Variants in CDC14B observed in about 807,000 individuals in gnomAD.
CDC14B encodes the protein dual specificity protein phosphatase CDC14B.
Under a neutral mutation model 64.2 loss-of-function variants are expected in CDC14B, and 22 were observed. The observed-to-expected ratio is 0.34, with a 90% CI of 0.24 to 0.49. The LOEUF (loss-of-function observed/expected upper bound fraction) is 0.49, where lower values mean the gene tolerates loss of function less well. CDC14B is among the 20% of genes least tolerant of loss of function. The pLI is 0.99. For synonymous variants in CDC14B, 191 were observed against 215.8 expected (o/e 0.89, Z 1.01); for missense variants, 498 against 629.9 (o/e 0.79, Z 2.24).
intron 3 of CDC14B, among the ~76,000 whole-genome samples, 186 bp from the exon 4 acceptor site, chr9:96,562,971 G>A (rs544374786): frequency 6.6e-6 from 1 of 152,168 alleles, no homozygotes; most frequent in Non-Finnish European, 1.5e-5. Context: ...ATTCTGGGAT[G>A]AGAATGAACA....
intron 1 of CDC14B, among the ~76,000 whole-genome samples, chr9:96,613,278 T>C (rs2119045731): frequency 6.6e-6 from 1 of 152,378 alleles, no homozygotes; most frequent in East Asian, 1.9e-4. Context: ...TGTGCATCAA[T>C]GCCTTTCTTC....
intron 1 of CDC14B, among the ~76,000 whole-genome samples, chr9:96,595,023 G>A (rs1008648717): frequency 6.6e-6 from 1 of 151,896 alleles, no homozygotes; most frequent in Non-Finnish European, 1.5e-5. Context: ...GGTGGCACGT[G>A]CCTGTAGTCC....
chr9:96,589,920 C>T (rs1309990091), intron 1 of CDC14B, among the ~76,000 whole-genome samples: 1 of 150,914 alleles, frequency 6.6e-6, no homozygotes, highest in Non-Finnish European at 1.5e-5. Context: ...GAGATTGCAC[C>T]ACTGCACCCC....
chr9:96,595,470 C>T (rs913396947), intron 1 of CDC14B, among the ~76,000 whole-genome samples: 3 of 152,156 alleles, frequency 2.0e-5, no homozygotes, highest in African/African-American at 7.2e-5. Flanking sequence ...TTCCATATAT[C>T]GGTAAGATAG....
At chr9:96,559,164 C>G (rs1170403089) in intron 4 of CDC14B, among the ~76,000 whole-genome samples, 1 of 152,168 alleles carries the variant, frequency 6.6e-6, no homozygotes, top group Non-Finnish European at 1.5e-5. Flanking sequence ...AAATATAACA[C>G]TTTATTTCCA....
intron 5 of CDC14B, among the ~76,000 whole-genome samples, chr9:96,545,630 T>C (rs111891675): frequency 0.018 from 2,757 of 152,210 alleles, 81 homozygotes; most frequent in African/African-American, 0.063. Context: ...ATTATCTTCT[T>C]AACCTACTGA....
At chr9:96,522,909 A>AC (rs1403399444) in intron 11 of CDC14B, among the ~76,000 whole-genome samples, 1 of 152,190 alleles carries the variant, frequency 6.6e-6, no homozygotes, top group Non-Finnish European at 1.5e-5. Context: ...TAGTACTGCT[A>AC]CCCCCTAAGC....
At chr9:96,507,051 TG>T (rs1217515349) in intron 13 of CDC14B, among the ~76,000 whole-genome samples, 2 of 152,110 alleles carry the variant, frequency 1.3e-5, no homozygotes, top group Non-Finnish European at 1.5e-5. Flanking sequence ...CCCAGCACTT[TG>T]GGGGGCTGAG....
intron 9 of CDC14B, among the ~76,000 whole-genome samples, chr9:96,524,621 G>A (rs1311500693): frequency 6.6e-6 from 1 of 152,078 alleles, no homozygotes. Context: ...TTAAGTTGGT[G>A]AGCTTTCAGT....
At chr9:96,522,367 T>G (rs1836865376) in intron 12 of CDC14B, 139 bp downstream of exon 12, 1 of 661,424 alleles carries the variant, frequency 1.5e-6, no homozygotes, top group African/African-American at 1.8e-5. Context: ...ACCCCTAGGT[T>G]TTAAATAACA....
chr9:96,610,231 T>G (rs1847228772), intron 1 of CDC14B, among the ~76,000 whole-genome samples: 1 of 152,184 alleles, frequency 6.6e-6, no homozygotes, highest in South Asian at 2.1e-4. Flanking sequence ...GGAGTCTCAC[T>G]CTGTCACCCA....
Position 96,522,492 on chromosome 9 carries a change from G to T in CDC14B, c.1343+14C>A. 1 of 1,568,818 alleles carries T rather than the reference G, an allele frequency of 6.4e-7. No homozygotes were observed. The highest frequency in any genetic ancestry group is 1.1e-5 in the South Asian group (1 of 90,142). On this transcript the variant is annotated intron_variant, in intron 12 of 13. Transcript: ENST00000375241. ...TGAAGAAACATCAACCACAACAAAGGAACCCAGACTCACGTGAGAGGAATA... is the reference window on the plus strand; with the variant it reads ...TGAAGAAACATCAACCACAACAAAGTAACCCAGACTCACGTGAGAGGAATA...
intron 1 of CDC14B, among the ~76,000 whole-genome samples, chr9:96,602,946 C>T (rs746003173): frequency 2.0e-5 from 3 of 151,986 alleles, no homozygotes; most frequent in African/African-American, 4.8e-5. Context: ...TACACCAAGG[C>T]TATTATCACC....
chr9:96,505,874 G>A (rs572492207), intron 13 of CDC14B, among the ~76,000 whole-genome samples: 1 of 152,346 alleles, frequency 6.6e-6, no homozygotes, highest in East Asian at 1.9e-4. Context: ...TCTTCTGTGA[G>A]AAACAGTGGC....
At chr9:96,497,792 A>C (rs967023936), downstream of CDC14B, among the ~76,000 whole-genome samples, 4 of 152,134 alleles carry the variant, frequency 2.6e-5, no homozygotes, top group African/African-American at 9.7e-5. Context: ...TCTAAGATGG[A>C]TACTGCCATC....
At chr9:96,584,987 T>C (rs1479108214) in intron 1 of CDC14B, among the ~76,000 whole-genome samples, 3 of 152,340 alleles carry the variant, frequency 2.0e-5, no homozygotes, top group East Asian at 1.9e-4. Flanking sequence ...TTTGAATACA[T>C]AATTGCCTTA....
intron 1 of CDC14B, among the ~76,000 whole-genome samples, chr9:96,583,370 T>TTTTTTATTATTA (rs1554775481): frequency 9.3e-5 from 13 of 139,092 alleles, no homozygotes; most frequent in East Asian, 2.1e-4. Context: ...GTTGTATTTA[T>TTTTTTATTATTA]TTATTATTAT....
downstream of CDC14B, among the ~76,000 whole-genome samples, chr9:96,498,575 C>T (rs1325410120): frequency 6.6e-6 from 1 of 152,214 alleles, no homozygotes; most frequent in Non-Finnish European, 1.5e-5. Context: ...TAAATGTTTA[C>T]ACCATTACCT....
At chr9:96,605,383 C>G (rs1208628661) in intron 1 of CDC14B, among the ~76,000 whole-genome samples, 1 of 152,072 alleles carries the variant, frequency 6.6e-6, no homozygotes, top group Non-Finnish European at 1.5e-5. Context: ...AAGACACAAG[C>G]AGGGGTAAGT....
Sources: gnomAD v4.1 joint callset for allele counts (sites outside exome capture counted in the v4.1 genomes callset) on GRCh38, gnomAD v4.1.1 for gene constraint, MANE v1.5 for transcripts, NCBI Gene and HGNC (gene_info 2026-07-23, HGNC 2026-07-21) for gene names.